Variants in KIRREL3 observed in about 807,000 individuals in gnomAD.
KIRREL3 encodes kin of IRRE-like protein 3.
In KIRREL3, 36 loss-of-function variants were observed where a neutral mutation model predicts 89.7. The observed-to-expected ratio is 0.40, with a 90% confidence interval of 0.31 to 0.53. The LOEUF (loss-of-function observed/expected upper bound fraction) is 0.53, where lower values mean the gene tolerates loss of function less well. KIRREL3 is among the 20% of genes least tolerant of loss of function. The pLI is 0.49. For missense variants in KIRREL3, 864 were observed against 1,056.6 expected (o/e 0.82, Z 2.53); for synonymous variants, 445 against 441.4 (o/e 1.01, Z -0.10).
Position 126,424,511 on chromosome 11 carries a change from T to C in KIRREL3, c.*69A>G. 1 of 1,489,420 alleles carries C rather than the reference T, an allele frequency of 6.7e-7. No individual in the cohort carries two copies. The highest frequency in any genetic ancestry group is 1.2e-5 in the South Asian group (1 of 81,664). The allele number at this position is 1,489,420 out of a possible 1,614,324, so 92.3% of individuals were successfully genotyped here. On this transcript the variant is annotated 3_prime_UTR_variant, in exon 17 of 17. Transcript: ENST00000525144. ...TCTGGTGTCCTCTGCAAAGTACCCC[T>C]CGTCCCTGGACAACCAGAACGTGCC...
rs114426248 is a variant in KIRREL3, at chr11:126,754,715, G to A, written c.56-191803C>T. ...CTCTTCTCCTTCTTAATAATCTCCC[G>A]TCTAAGTGCAGGTCTTGATTAAGGC... On this transcript the variant is annotated intron_variant, in intron 1 of 16. Coordinates refer to ENST00000525144, the MANE Select transcript of KIRREL3 (RefSeq NM_032531.4). This position sits in a 1 kb window ranked among gnomAD's most constrained non-coding sequence, Gnocchi z 5.1. Among the ~76,000 whole-genome samples, 1,620 of 152,088 alleles carry A rather than the reference G, an allele frequency of 0.011. 30 individuals carry two copies. Among genetic ancestry groups the A allele is most frequent in the African/African-American group, 0.037 (1,539 of 41,478 alleles).
rs1368827116 is a variant in KIRREL3 at position 126,568,562 on chromosome 11, C to T, written c.56-5650G>A. On this transcript the variant is annotated intron_variant, in intron 1 of 16. Transcript: ENST00000525144. The surrounding 1 kb of genome is among the most constrained non-coding windows in gnomAD (Gnocchi z 4.6). ...GAGACACCAGCTGGGTTTGGTTGGA[C>T]TCACAGGGAGGCCACATGGGGCAGG... 1.3e-5 allele frequency among the ~76,000 whole-genome samples: 2 copies of T among 152,170 alleles called. No individual in the cohort carries two copies. Among genetic ancestry groups the T allele is most frequent in the African/African-American group, 4.8e-5 (2 of 41,440 alleles).
intron 1 of KIRREL3, among the ~76,000 whole-genome samples, chr11:126,845,655 C>T (rs6590232): frequency 0.85 from 129,535 of 152,134 alleles, 55,348 homozygotes; most frequent in East Asian, 1. Flanking sequence ...GGGTTCATGG[C>T]TCAATTCCCA....
At chr11:126,972,192 G>T (rs943971187) in intron 1 of KIRREL3, among the ~76,000 whole-genome samples, 3 of 151,876 alleles carry the variant, frequency 2.0e-5, no homozygotes, top group African/African-American at 7.3e-5. Flanking sequence ...GAGAGAGAGA[G>T]AGAGAGAGAG....
rs574008626 is a variant in KIRREL3 at position 126,875,226 on chromosome 11, T to C, written c.55+125229A>G. Among the ~76,000 whole-genome samples, 3 of 152,262 alleles carry C rather than the reference T, an allele frequency of 2.0e-5. No individual in the cohort carries two copies. In the South Asian group the frequency reaches 6.2e-4, roughly 32 times the overall value. Reference sequence around the variant, plus strand: ...GTAGGCCATTGGCTCATTTTCTCCTTGTCCTTTCTCTGTTCTTCAGAACCA... The same window carrying C: ...GTAGGCCATTGGCTCATTTTCTCCTCGTCCTTTCTCTGTTCTTCAGAACCA... On this transcript the variant is annotated intron_variant, in intron 1 of 16. Transcript: ENST00000525144.
At chr11:126,799,673 G>C (rs1262943915) in intron 1 of KIRREL3, among the ~76,000 whole-genome samples, 1 of 152,098 alleles carries the variant, frequency 6.6e-6, no homozygotes, top group African/African-American at 2.4e-5. Flanking sequence ...GGAAGGAATG[G>C]GGTGGAGCAG....
Position 127,000,517 on chromosome 11 carries a change from C to T in KIRREL3, c.-8G>A, listed in dbSNP as rs1950293441. ...GAGCTGGAAGGGTTTCATTCCTTAG[C>T]GCAGCGAAGGAAAGCCGGCGGGGTA... On this transcript the variant is annotated 5_prime_UTR_variant, in exon 1 of 17. Coordinates refer to ENST00000525144, the MANE Select transcript of KIRREL3 (RefSeq NM_032531.4). This position sits in a 1 kb window ranked among gnomAD's most constrained non-coding sequence, Gnocchi z 7.1. 2.5e-6 allele frequency: 4 copies of T among 1,603,278 alleles called. No homozygotes were observed. The highest frequency in any genetic ancestry group is 2.3e-5 in the South Asian group (2 of 88,624).
intron 1 of KIRREL3, among the ~76,000 whole-genome samples, chr11:126,874,983 T>A (rs1592262558): frequency 6.6e-6 from 1 of 152,272 alleles, no homozygotes; most frequent in Non-Finnish European, 1.5e-5. Context: ...GAGAGGTCTG[T>A]GTCTGCCCCT....
chr11:126,672,808 C>T (rs1036224014), intron 1 of KIRREL3, among the ~76,000 whole-genome samples: 31 of 152,166 alleles, frequency 2.0e-4, no homozygotes, highest in African/African-American at 7.2e-4. Context: ...GTGAGTTCCT[C>T]CCTTACTTGT....
In KIRREL3 at chr11:126,471,237, G is replaced by A. The variant is rs1565481533; in HGVS notation, c.591+2072C>T. On this transcript the variant is annotated intron_variant, in intron 5 of 16. Coordinates refer to ENST00000525144, the MANE Select transcript of KIRREL3 (RefSeq NM_032531.4). The surrounding 1 kb of genome is among the most constrained non-coding windows in gnomAD (Gnocchi z 5.4). ...AAAAAAAAATTAGCTGGGCATGATG[G>A]CACACGCCTGCAATCCCAGCTATTC... 6.6e-6 allele frequency among the ~76,000 whole-genome samples: 1 copy of A among 152,068 alleles called. No individual in the cohort carries two copies. The highest frequency in any genetic ancestry group is 1.5e-5 in the Non-Finnish European group (1 of 68,006).
intron 13 of KIRREL3, 40 bp downstream of exon 13, chr11:126,435,228 C>T (rs768782056): frequency 1.2e-6 from 2 of 1,609,382 alleles, no homozygotes; most frequent in East Asian, 2.2e-5. Flanking sequence ...GAAGTCCCTT[C>T]CCCCCTTCCC....
Position 126,796,261 on chromosome 11 carries a change from A to G in KIRREL3, c.55+204194T>C, listed in dbSNP as rs1950806815. ...TGTTAAAATGGTGAACAAAAAAACC[A>G]AGGACTTGACCAGATGAAAAGAGAG... is the stretch of plus-strand genomic sequence containing the variant. On this transcript the variant is annotated intron_variant, in intron 1 of 16. Transcript: ENST00000525144. The surrounding 1 kb of genome is among the most constrained non-coding windows in gnomAD (Gnocchi z 5.1). Among the ~76,000 whole-genome samples, 2 of 152,066 alleles carry G rather than the reference A, an allele frequency of 1.3e-5. No individual in the cohort carries two copies. Among genetic ancestry groups the G allele is most frequent in the African/African-American group, 4.8e-5 (2 of 41,418 alleles).
intron 1 of KIRREL3, among the ~76,000 whole-genome samples, chr11:126,893,519 C>T (rs111268044): frequency 0.013 from 2,005 of 152,282 alleles, 48 homozygotes; most frequent in African/African-American, 0.046. Flanking sequence ...AATTTGTTGC[C>T]GAGCTCATGA....
At chr11:126,751,313 C>T (rs1320656958) in intron 1 of KIRREL3, among the ~76,000 whole-genome samples, 1 of 152,218 alleles carries the variant, frequency 6.6e-6, no homozygotes. Context: ...CCAGAAAGTT[C>T]TTATGCCTAA....
At chr11:126,600,083 C>T (rs1349002456) in intron 1 of KIRREL3, among the ~76,000 whole-genome samples, 3 of 152,214 alleles carry the variant, frequency 2.0e-5, no homozygotes, top group Non-Finnish European at 4.4e-5. Context: ...CTTTTTCTCT[C>T]TGTCTCTCCT....
At chr11:126,968,010 A>G (rs1327707247) in intron 1 of KIRREL3, among the ~76,000 whole-genome samples, 2 of 152,192 alleles carry the variant, frequency 1.3e-5, no homozygotes, top group Non-Finnish European at 2.9e-5. Context: ...TTTCCTGCCT[A>G]TCTTACTAGG....
Position 126,755,832 on chromosome 11 carries a change from AGAGAG to A in KIRREL3, c.56-192925_56-192921del, listed in dbSNP as rs1490328125. On this transcript the variant is annotated intron_variant, in intron 1 of 16. Transcript: ENST00000525144. This position sits in a 1 kb window ranked among gnomAD's most constrained non-coding sequence, Gnocchi z 4.3. ...CCATCTGCCATTCAGGCAGAGAGAG[AGAGAG>A]AGAGAGAGAGAGAGAGAGGGAGAGA... 1.3e-5 allele frequency among the ~76,000 whole-genome samples: 1 copy of A among 75,540 alleles called. No individual in the cohort carries two copies. The highest frequency in any genetic ancestry group is 2.7e-5 in the Non-Finnish European group (1 of 36,822). The allele number at this position is 75,540 out of a possible 152,430, so 49.6% of individuals were successfully genotyped here.
chr11:126,861,492 C>T (rs574029194), intron 1 of KIRREL3, among the ~76,000 whole-genome samples: 1 of 152,312 alleles, frequency 6.6e-6, no homozygotes, highest in East Asian at 1.9e-4. Context: ...TTGGCTGAAC[C>T]TACACGGTAG....
intron 5 of KIRREL3, among the ~76,000 whole-genome samples, chr11:126,464,486 G>T (rs1956654272): frequency 6.6e-6 from 1 of 152,060 alleles, no homozygotes; most frequent in African/African-American, 2.4e-5. Context: ...AGCTGAGGTT[G>T]TGCCACTGTA....
Sources: allele counts gnomAD v4.1 joint callset (sites outside exome capture counted in the v4.1 genomes callset), GRCh38; gene constraint gnomAD v4.1.1; non-coding constraint Gnocchi (gnomAD v3.1); transcripts MANE v1.5; gene names NCBI Gene and HGNC (gene_info 2026-07-23, HGNC 2026-07-21).